The following GPR63 variants were observed in gnomAD, a reference collection of about 807,000 sequenced individuals.
GPR63 encodes the protein probable G protein-coupled receptor 63.
In GPR63, 12 loss-of-function variants were observed where a neutral mutation model predicts 23.1. The observed-to-expected ratio is 0.52, with a 90% CI of 0.33 to 0.84. The LOEUF (loss-of-function observed/expected upper bound fraction) is 0.84. Ranked by LOEUF, GPR63 falls within the 40% of genes least tolerant of loss-of-function variation. The probability of loss-of-function intolerance (pLI) is 0.02; values close to 1 mark genes in which losing one functional copy is unlikely to be tolerated. For synonymous variants in GPR63, 172 were observed against 191.1 expected (o/e 0.90, Z 0.82); for missense variants, 472 against 515.6 (o/e 0.92, Z 0.82).
intron 1 of GPR63, among the ~76,000 whole-genome samples, chr6:96,821,967 G>T (rs915896545): frequency 4.6e-5 from 7 of 151,812 alleles, no homozygotes; most frequent in Admixed American, 3.9e-4. Flanking sequence ...ATAGAACGTA[G>T]AATCAGAAGA....
rs1187136674 is a variant in GPR63 at position 96,835,426 on chromosome 6, CTGTG to C, written c.-151+1838_-151+1841del. 3.9e-5 allele frequency among the ~76,000 whole-genome samples: 6 copies of C among 152,138 alleles called. No homozygotes were observed. In the South Asian group the frequency reaches 8.3e-4, roughly 21 times the overall value. ...GATATATACATATACAAATCCACCT[CTGTG>C]TGTATCATTTCCAAAATACTCATTC... On this transcript the variant is annotated intron_variant, in intron 1 of 1. Coordinates refer to ENST00000229955, the MANE Select transcript of GPR63 (RefSeq NM_030784.4).
At chr6:96,806,239 C>T (rs1204074841) in intron 1 of GPR63, among the ~76,000 whole-genome samples, 5 of 152,128 alleles carry the variant, frequency 3.3e-5, no homozygotes, top group African/African-American at 1.2e-4. Flanking sequence ...AATTCAGAGG[C>T]CTGCCATCTT....
At position 96,798,786 on chromosome 6, in the gene GPR63, T is replaced by G. The variant is rs778991504; in HGVS notation, c.946A>C (p.Ile316Leu). The change falls in exon 2 of 2, where the codon ATT becomes CTT. Residue 316 changes from isoleucine to leucine, a missense_variant. Physicochemically the swap from Ile to Leu is conservative, Grantham distance 5. Transcript: ENST00000229955. ...MGFKTRAFTT[I>L]LILFAVFIVC... ...ATGAAGACAGCAAAGAGAATCAAAA[T>G]AGTGGTGAAGGCACGTGTTTTAAAG... The G allele has an allele frequency of 1.2e-6, 2 of 1,614,140 alleles. No homozygotes were observed. Among genetic ancestry groups the G allele is most frequent in the African/African-American group, 2.7e-5 (2 of 75,032 alleles).
intron 1 of GPR63, among the ~76,000 whole-genome samples, chr6:96,827,687 G>A (rs1270556113): frequency 6.6e-6 from 1 of 152,074 alleles, no homozygotes; most frequent in Non-Finnish European, 1.5e-5. Context: ...AGAAAAAAAT[G>A]AGCTTGACTG....
At chr6:96,814,238 C>A (rs1429238737) in intron 1 of GPR63, among the ~76,000 whole-genome samples, 4 of 152,062 alleles carry the variant, frequency 2.6e-5, no homozygotes, top group Admixed American at 2.6e-4. Context: ...AACTATGTAA[C>A]TTGCCCAAGG....
chr6:96,830,360 T>C (rs1306211725), intron 1 of GPR63, among the ~76,000 whole-genome samples: 2 of 152,172 alleles, frequency 1.3e-5, no homozygotes, highest in Non-Finnish European at 2.9e-5. Context: ...CAAGACCTCA[T>C]GAAAAAAAAT....
chr6:96,821,582 A>C (rs932581692), intron 1 of GPR63, among the ~76,000 whole-genome samples: 3 of 152,206 alleles, frequency 2.0e-5, no homozygotes, highest in Non-Finnish European at 4.4e-5. Flanking sequence ...AGTCTACTAC[A>C]ACTATGCCCA....
rs1030618104 is a variant in GPR63, at chr6:96,808,343, G to A, written c.-150-8462C>T. Among the ~76,000 whole-genome samples the A allele has an allele frequency of 5.9e-5, 9 of 152,162 alleles. No homozygotes were observed. The East Asian group carries it at 1.2e-3, about 20-fold the overall frequency. On this transcript the variant is annotated intron_variant, in intron 1 of 1. Transcript: ENST00000229955. The stretch of plus-strand genomic sequence containing the variant: ...AGACTCAGTAAAAAGAATCTTAACA[G>A]TGCTGAATTTGCTCAGTGTTTCCCA...
At chr6:96,822,820 C>T (rs1254342460) in intron 1 of GPR63, among the ~76,000 whole-genome samples, 1 of 152,148 alleles carries the variant, frequency 6.6e-6, no homozygotes, top group Non-Finnish European at 1.5e-5. Flanking sequence ...TGAAGAAAAA[C>T]TCAGGATGCT....
chr6:96,828,249 G>A (rs1350637618), intron 1 of GPR63, among the ~76,000 whole-genome samples: 1 of 151,962 alleles, frequency 6.6e-6, no homozygotes, highest in Non-Finnish European at 1.5e-5. Flanking sequence ...ATCTTACATG[G>A]CCTTCCCTCT....
chr6:96,820,940 A>C (rs1461539055), intron 1 of GPR63, among the ~76,000 whole-genome samples: 2 of 152,200 alleles, frequency 1.3e-5, no homozygotes, highest in African/African-American at 4.8e-5. Flanking sequence ...CTCTCACTAC[A>C]AATGATTTTG....
intron 1 of GPR63, among the ~76,000 whole-genome samples, chr6:96,836,799 G>T (rs1234574841): frequency 2.0e-5 from 3 of 151,996 alleles, no homozygotes; most frequent in Non-Finnish European, 4.4e-5. Flanking sequence ...AGGACCTTTC[G>T]CTCTCGCAAA....
intron 1 of GPR63, among the ~76,000 whole-genome samples, chr6:96,820,537 T>C (rs1774288113): frequency 1.3e-5 from 2 of 152,190 alleles, no homozygotes; most frequent in Non-Finnish European, 2.9e-5. Flanking sequence ...TCTTTATCTT[T>C]TTATATTAAT....
chr6:96,813,756 C>A (rs1774098192), intron 1 of GPR63, among the ~76,000 whole-genome samples: 1 of 152,142 alleles, frequency 6.6e-6, no homozygotes, highest in Non-Finnish European at 1.5e-5. Context: ...TCTTTAGTCT[C>A]CCCTACAAGT....
chr6:96,812,618 A>G (rs1562119231), intron 1 of GPR63, among the ~76,000 whole-genome samples: 1 of 152,166 alleles, frequency 6.6e-6, no homozygotes, highest in Non-Finnish European at 1.5e-5. Context: ...CCTTTTAGAA[A>G]TGCAAAAAGC....
Position 96,799,491 on chromosome 6 carries a change from G to A in GPR63, c.241C>T (p.Gln81Ter). The A allele has an allele frequency of 6.2e-7, 1 of 1,614,184 alleles. No individual in the cohort carries two copies. Among genetic ancestry groups the A allele is most frequent in the Non-Finnish European group, 8.5e-7 (1 of 1,180,032 alleles). The stretch of plus-strand genomic sequence containing the variant: ...ATCATTATAGCAGAAAGGGTGATCT[G>A]AAGAGGCAAGTTTAGGCTCTTAAAT... ...AAFKSLNLPL[Q>*]ITLSAIMIFI... Residue 81 changes from glutamine (Q) to a stop codon, truncating the protein, a stop_gained, in exon 2 of 2, where the codon CAG becomes TAG. Coordinates refer to ENST00000229955, the MANE Select transcript of GPR63 (RefSeq NM_030784.4). LOFTEE classifies it high-confidence loss of function.
At chr6:96,824,210 C>A (rs1774380068) in intron 1 of GPR63, among the ~76,000 whole-genome samples, 1 of 151,778 alleles carries the variant, frequency 6.6e-6, no homozygotes, top group Non-Finnish European at 1.5e-5. Context: ...TAAATAAAGA[C>A]CAAAAACAGA....
intron 1 of GPR63, among the ~76,000 whole-genome samples, chr6:96,807,792 T>C (rs1488904698): frequency 6.6e-6 from 1 of 152,216 alleles, no homozygotes; most frequent in Non-Finnish European, 1.5e-5. Flanking sequence ...TGAGTTTTGT[T>C]AGGAAGTATA....
chr6:96,821,089 T>G (rs1774302772), intron 1 of GPR63, among the ~76,000 whole-genome samples: 1 of 152,160 alleles, frequency 6.6e-6, no homozygotes, highest in Non-Finnish European at 1.5e-5. Flanking sequence ...TTACAAACTG[T>G]GTGTCACTGG....
Sources: allele counts gnomAD v4.1 joint callset (sites outside exome capture counted in the v4.1 genomes callset), GRCh38; gene constraint gnomAD v4.1.1; transcripts MANE v1.5; gene names NCBI Gene and HGNC (gene_info 2026-07-23, HGNC 2026-07-21).